Variants in SLC3A1 observed in about 807,000 individuals in gnomAD.
SLC3A1 encodes solute carrier family 3 member 1.
SLC3A1 carries 78 observed loss-of-function variants against 60.3 expected under a neutral mutation model. That is an observed-to-expected ratio of 1.29 (90% CI 1.08 to 1.56). The LOEUF (loss-of-function observed/expected upper bound fraction) is 1.56. Ranked by LOEUF, SLC3A1 falls within the 40% of genes most tolerant of loss-of-function variation. The pLI, the probability that SLC3A1 is intolerant of heterozygous loss-of-function variation, is 0.00. For synonymous variants in SLC3A1, 392 were observed against 307.9 expected (o/e 1.27, Z -2.86); for missense variants, 1,172 against 858.9 (o/e 1.36, Z -4.56).
At chr2:44,277,138 A>C (rs1572787246) in intron 1 of SLC3A1, among the ~76,000 whole-genome samples, 3 of 105,056 alleles carry the variant, frequency 2.9e-5, no homozygotes, top group Non-Finnish European at 3.6e-5. Context: ...ATGGAGTTTC[A>C]CTCTTGTTGC....
In SLC3A1 at chr2:44,275,800, C is replaced by G; in HGVS notation, c.265C>G (p.Leu89Val). 2.5e-6 allele frequency: 4 copies of G among 1,614,282 alleles called. No homozygotes were observed. Among genetic ancestry groups the G allele is most frequent in the African/African-American group, 1.3e-5 (1 of 75,084 alleles). The part of the protein sequence containing the change: ...QARYRIPREI[L>V]FWLTVASVLV... ...CCGCTACCGCATACCTCGGGAGATC[C>G]TCTTCTGGCTCACAGTGGCTTCTGT... Residue 89 changes from leucine to valine, a missense_variant, in exon 1 of 10, where the codon CTC becomes GTC. Transcript: ENST00000260649.
chr2:44,314,975 G>A (rs1055449842), intron 9 of SLC3A1: 4 of 109,686 alleles, frequency 3.6e-5, no homozygotes, highest in African/African-American at 6.6e-5. Flanking sequence ...TTTGTTGCCC[G>A]GGCTAGAGTG....
chr2:44,307,345 A>G (rs1463180291), intron 7 of SLC3A1, among the ~76,000 whole-genome samples: 2 of 152,214 alleles, frequency 1.3e-5, no homozygotes, highest in Admixed American at 6.5e-5. Flanking sequence ...TCTCTCTGAT[A>G]TATATCCAGG....
intron 1 of SLC3A1, 121 bp downstream of exon 1, chr2:44,276,086 A>G: frequency 1.2e-6 from 1 of 857,816 alleles, no homozygotes; most frequent in East Asian, 2.5e-5. Context: ...ATGACTGGTC[A>G]TGCCAAGTTG....
rs760524821 is a variant in SLC3A1, at chr2:44,312,591, T to G, written c.1338T>G (p.Gly446=). The change falls in exon 8 of 10, where the codon GGT becomes GGG. Residue 446 remains glycine, a synonymous_variant. Coordinates refer to ENST00000260649, the MANE Select transcript of SLC3A1 (RefSeq NM_000341.4). ...TAAAAATATCTGCCTTTCAGATTGG[T>G]GGACCAGACAGTTCACGGCTGACTT... is the stretch of plus-strand genomic sequence containing the variant. ...PEGKWPNWMI[G]GPDSSRLTSR... is the part of the protein sequence containing the mutation. 7.4e-5 allele frequency: 120 copies of G among 1,613,796 alleles called. No individual in the cohort carries two copies. The highest frequency in any genetic ancestry group is 9.9e-5 in the Non-Finnish European group (117 of 1,179,814).
chr2:44,284,381 G>T (rs1265544653), intron 3 of SLC3A1, among the ~76,000 whole-genome samples: 2 of 152,050 alleles, frequency 1.3e-5, no homozygotes, highest in African/African-American at 4.8e-5. Context: ...CCCAACCAAG[G>T]GCTTCTTTTA....
intron 9 of SLC3A1, 72 bp downstream of exon 9, chr2:44,314,023 A>G (rs1007942158): frequency 1.7e-5 from 28 of 1,604,408 alleles, no homozygotes; most frequent in Non-Finnish European, 2.4e-5. Flanking sequence ...GTACACACTC[A>G]CCCTGAATGT....
chr2:44,288,308 G>C (rs1034555631), intron 4 of SLC3A1, among the ~76,000 whole-genome samples: 2 of 152,146 alleles, frequency 1.3e-5, no homozygotes, highest in African/African-American at 2.4e-5. Flanking sequence ...TTACAGGTAT[G>C]AGCCACTGCA....
chr2:44,294,887 T>A (rs1027071929), intron 4 of SLC3A1, among the ~76,000 whole-genome samples: 1 of 152,070 alleles, frequency 6.6e-6, no homozygotes. Flanking sequence ...CAAGATGATG[T>A]CTTCTGTTTG....
intron 4 of SLC3A1, among the ~76,000 whole-genome samples, chr2:44,290,504 T>C: frequency 6.6e-6 from 1 of 152,232 alleles, no homozygotes; most frequent in East Asian, 1.9e-4. Flanking sequence ...ATTGAATCTG[T>C]GGTTCACTCT....
intron 3 of SLC3A1, chr2:44,285,732 T>A: frequency 1.8e-6 from 1 of 561,506 alleles, no homozygotes; most frequent in Non-Finnish European, 3.5e-6. Flanking sequence ...TTCAAGAAAA[T>A]ACATTAGTAA....
At chr2:44,291,106 A>G (rs1039719176) in intron 4 of SLC3A1, among the ~76,000 whole-genome samples, 6 of 152,166 alleles carry the variant, frequency 3.9e-5, no homozygotes, top group African/African-American at 1.4e-4. Flanking sequence ...AGACACTCGG[A>G]CTTGAGTTCA....
At chr2:44,311,546 G>A (rs1188593856) in intron 7 of SLC3A1, among the ~76,000 whole-genome samples, 1 of 152,062 alleles carries the variant, frequency 6.6e-6, no homozygotes, top group African/African-American at 2.4e-5. Context: ...TGTGCTCTAT[G>A]TCCAGAAGTC....
chr2:44,292,276 T>C (rs1461466425), intron 4 of SLC3A1, among the ~76,000 whole-genome samples: 1 of 152,098 alleles, frequency 6.6e-6, no homozygotes, highest in Non-Finnish European at 1.5e-5. Context: ...GTTCTGTCCC[T>C]ACTAAGCATG....
intron 4 of SLC3A1, among the ~76,000 whole-genome samples, chr2:44,296,844 C>G (rs975429442): frequency 3.9e-5 from 6 of 152,096 alleles, no homozygotes; most frequent in African/African-American, 9.7e-5. Context: ...GTGGTTTCCT[C>G]CATCCTGTTC....
In SLC3A1 at chr2:44,321,303, TA is replaced by T; in HGVS notation, c.*666del. 1.4e-6 allele frequency: 2 copies of T among 1,407,212 alleles called. No individual in the cohort carries two copies. Among genetic ancestry groups the T allele is most frequent in the Admixed American group, 1.9e-5 (1 of 51,850 alleles). The allele number at this position is 1,407,212 out of a possible 1,614,324, so 87.2% of individuals were successfully genotyped here. On this transcript the variant is annotated 3_prime_UTR_variant, in exon 10 of 10. Transcript: ENST00000260649. The stretch of plus-strand genomic sequence containing the variant: ...TTTTTTTTGCTAACTCAATTGGAAG[TA>T]AGACTATGAAATATTTCAGTGTGTT...
intron 9 of SLC3A1, among the ~76,000 whole-genome samples, chr2:44,316,912 TAAAG>T (rs766067288): frequency 7.6e-4 from 116 of 152,250 alleles, no homozygotes; most frequent in East Asian, 4.4e-3. Context: ...TACAATGTAT[TAAAG>T]AAGGAAAAGG....
At chr2:44,277,314 T>C (rs892658921) in intron 1 of SLC3A1, among the ~76,000 whole-genome samples, 4 of 151,726 alleles carry the variant, frequency 2.6e-5, no homozygotes, top group African/African-American at 9.7e-5. Flanking sequence ...TCCATGTTGG[T>C]CAGGCTAGTC....
chr2:44,294,499 T>C (rs1309315730), intron 4 of SLC3A1, among the ~76,000 whole-genome samples: 17 of 143,454 alleles, frequency 1.2e-4, no homozygotes, highest in Admixed American at 9.1e-4. Context: ...TGAGACTCCA[T>C]CTCAAAAAAA....
Sources: allele counts gnomAD v4.1 joint callset (sites outside exome capture counted in the v4.1 genomes callset), GRCh38; gene constraint gnomAD v4.1.1; transcripts MANE v1.5; gene names NCBI Gene and HGNC (gene_info 2026-07-23, HGNC 2026-07-21).